Variants in UBE2L3 observed in about 807,000 individuals in gnomAD.
UBE2L3 encodes the protein ubiquitin-conjugating enzyme E2 L3.
UBE2L3 carries 1 observed loss-of-function variant against 17.8 expected under a neutral mutation model. The ratio of observed to expected loss-of-function variants is 0.06; its 90% CI spans 0.02 to 0.27. UBE2L3 has a LOEUF of 0.27. Ranked by LOEUF, UBE2L3 falls within the 10% of genes least tolerant of loss-of-function variation. The pLI is 1.00. For synonymous variants in UBE2L3, 44 were observed against 68.5 expected, an observed-to-expected ratio of 0.64 and a Z score of 1.76; for missense variants, 40 against 192.6, an observed-to-expected ratio of 0.21 and a Z score of 4.69.
At chr22:21,606,903 G>A (rs1929205625) in intron 2 of UBE2L3, among the ~76,000 whole-genome samples, 1 of 152,174 alleles carries the variant, frequency 6.6e-6, no homozygotes. Flanking sequence ...CGTGGCTTCA[G>A]TAGCCCTGGG....
chr22:21,610,006 A>G (rs1210827920), intron 2 of UBE2L3, among the ~76,000 whole-genome samples: 2 of 152,168 alleles, frequency 1.3e-5, no homozygotes, highest in African/African-American at 2.4e-5. Flanking sequence ...AGCCTGGGCA[A>G]CAGACTCTGA....
intron 1 of UBE2L3, among the ~76,000 whole-genome samples, chr22:21,558,407 C>T (rs1288627256): frequency 2.6e-5 from 4 of 152,334 alleles, no homozygotes; most frequent in African/African-American, 7.2e-5. Context: ...CCGAGGCAGG[C>T]GGATCACGAG....
intron 1 of UBE2L3, among the ~76,000 whole-genome samples, chr22:21,582,632 TCTC>T (rs769244398): frequency 6.6e-6 from 1 of 152,128 alleles, no homozygotes; most frequent in South Asian, 2.1e-4. Context: ...TTCAAGTAAT[TCTC>T]CTGCCTCAGC....
At chr22:21,594,714 C>A (rs145149807) in intron 2 of UBE2L3, among the ~76,000 whole-genome samples, 6 of 151,996 alleles carry the variant, frequency 3.9e-5, no homozygotes, top group Non-Finnish European at 5.9e-5. Flanking sequence ...GGGCTCAGGG[C>A]AAAGGGTGTG....
intron 1 of UBE2L3, among the ~76,000 whole-genome samples, chr22:21,581,119 A>G (rs970525065): frequency 8.6e-5 from 13 of 150,318 alleles, no homozygotes; most frequent in Non-Finnish European, 1.5e-4. Flanking sequence ...CAGTGGTGCA[A>G]TCTTGGCTTA....
intron 2 of UBE2L3, among the ~76,000 whole-genome samples, chr22:21,603,321 A>G (rs2148433755): frequency 6.6e-6 from 1 of 152,068 alleles, no homozygotes; most frequent in Non-Finnish European, 1.5e-5. Flanking sequence ...TGAGGTCAGG[A>G]GTTCGAGACC....
intron 2 of UBE2L3, among the ~76,000 whole-genome samples, chr22:21,604,671 T>TA (rs1323292099): frequency 1.3e-5 from 2 of 152,224 alleles, no homozygotes; most frequent in Non-Finnish European, 2.9e-5. Context: ...AGGGCAAGTT[T>TA]AGCTCTAATG....
At chr22:21,578,734 G>A (rs189050873) in intron 1 of UBE2L3, among the ~76,000 whole-genome samples, 330 of 152,246 alleles carry the variant, frequency 2.2e-3, no homozygotes, top group Non-Finnish European at 2.6e-3. Context: ...TGGGCAGTGC[G>A]TTCCTCTAAG....
chr22:21,607,922 G>T (rs1321639626), intron 2 of UBE2L3, among the ~76,000 whole-genome samples: 1 of 152,172 alleles, frequency 6.6e-6, no homozygotes, highest in African/African-American at 2.4e-5. Flanking sequence ...CAGTTATTTG[G>T]ACTTCTAGTA....
intron 1 of UBE2L3, among the ~76,000 whole-genome samples, chr22:21,580,368 A>G (rs1439424123): frequency 1.3e-5 from 2 of 152,096 alleles, no homozygotes; most frequent in African/African-American, 4.8e-5. Context: ...ATAATTGACC[A>G]CTTCCTCTCA....
At chr22:21,555,069 C>T (rs1182937986) in intron 1 of UBE2L3, 2 of 149,262 alleles carry the variant, frequency 1.3e-5, no homozygotes, top group Non-Finnish European at 2.9e-5. Context: ...AGCCACCATG[C>T]CCAGCCTGAA....
At position 21,605,125 on chromosome 22, in the gene UBE2L3, C is replaced by T. The variant is rs552808523; in HGVS notation, c.124-5732C>T. Among the ~76,000 whole-genome samples the T allele has an allele frequency of 1.4e-4, 21 of 152,276 alleles. No homozygotes were observed. The South Asian group carries it at 1.7e-3, about 12-fold the overall frequency. ...GGACTACAGGTGTGCACCAGCAGCA[C>T]GCACAGCTAATTTAAAAAAATTGTT... On this transcript the variant is annotated intron_variant, in intron 2 of 3. Coordinates refer to ENST00000342192, the MANE Select transcript of UBE2L3 (RefSeq NM_003347.4).
At chr22:21,619,262 A>G (rs1214220690) in intron 3 of UBE2L3, among the ~76,000 whole-genome samples, 1 of 152,178 alleles carries the variant, frequency 6.6e-6, no homozygotes, top group African/African-American at 2.4e-5. Context: ...TTAAATAAAA[A>G]TATACCTCCA....
chr22:21,603,242 A>G (rs768732990), intron 2 of UBE2L3, among the ~76,000 whole-genome samples: 3 of 152,180 alleles, frequency 2.0e-5, no homozygotes, highest in Non-Finnish European at 2.9e-5. Context: ...ATAAATAGCA[A>G]GTGGGCCGGG....
chr22:21,564,694 C>T (rs564830340), upstream of UBE2L3, among the ~76,000 whole-genome samples: 12 of 152,294 alleles, frequency 7.9e-5, no homozygotes, highest in African/African-American at 2.2e-4. Context: ...TTAGCACATC[C>T]GGGTCAAAGG....
At chr22:21,596,902 G>A (rs1422958486) in intron 2 of UBE2L3, among the ~76,000 whole-genome samples, 2 of 152,182 alleles carry the variant, frequency 1.3e-5, no homozygotes, top group East Asian at 1.9e-4. Flanking sequence ...GGTATGTAGT[G>A]CTGTCTCATT....
chr22:21,582,069 A>C (rs1927669520), intron 1 of UBE2L3, among the ~76,000 whole-genome samples: 1 of 151,432 alleles, frequency 6.6e-6, no homozygotes. Context: ...GCAGCGAGCC[A>C]AGATCGCACC....
rs148834207 is a variant in UBE2L3 at position 21,596,307 on chromosome 22, C to G, written c.123+3351C>G. 2.3e-3 allele frequency among the ~76,000 whole-genome samples: 349 copies of G among 152,178 alleles called. 2 individuals carry two copies. The highest frequency in any genetic ancestry group is 2.8e-3 in the Non-Finnish European group (193 of 68,010). ...CCTTGAATTTCTGGGCTCAAGCAAT[C>G]CTCCTGAGTAGCCAGGACTACAGGT... On this transcript the variant is annotated intron_variant, in intron 2 of 3. Transcript: ENST00000342192.
intron 2 of UBE2L3, 51 bp from the exon 3 acceptor site, chr22:21,610,806 C>A: frequency 1.4e-6 from 2 of 1,478,856 alleles, no homozygotes; most frequent in Non-Finnish European, 1.8e-6. Flanking sequence ...CTGTCTTGGC[C>A]ATAGGTTTAT....
Sources: allele counts gnomAD v4.1 joint callset (sites outside exome capture counted in the v4.1 genomes callset), GRCh38; gene constraint gnomAD v4.1.1; transcripts MANE v1.5; gene names NCBI Gene and HGNC (gene_info 2026-07-23, HGNC 2026-07-21).